AGBL4: variants seen among roughly 807,000 people sequenced by gnomAD.
AGBL4 encodes the protein cytosolic carboxypeptidase 6.
A neutral mutation model predicts 66.4 loss-of-function variants in AGBL4; 58 were observed. The observed-to-expected ratio is 0.87, with a 90% CI of 0.71 to 1.09. AGBL4 has a LOEUF of 1.09. Ranked by LOEUF, AGBL4 falls within the 50% of genes least tolerant of loss-of-function variation. AGBL4 has a pLI of 0.00. For missense variants in AGBL4, 579 were observed against 631.0 expected, an observed-to-expected ratio of 0.92 and a Z score of 0.88; for synonymous variants, 234 against 222.9, an observed-to-expected ratio of 1.05 and a Z score of -0.44.
intron 4 of AGBL4, among the ~76,000 whole-genome samples, chr1:49,055,142 A>G (rs1272422952): frequency 1.3e-5 from 2 of 152,052 alleles, no homozygotes; most frequent in Non-Finnish European, 2.9e-5. Context: ...TCTTTTGATG[A>G]AGCTCCTATT....
intron 6 of AGBL4, among the ~76,000 whole-genome samples, chr1:48,798,413 C>G (rs1225262610): frequency 6.6e-6 from 1 of 152,128 alleles, no homozygotes; most frequent in Non-Finnish European, 1.5e-5. Context: ...AAGATTTTCT[C>G]CCACTCTGTG....
At chr1:49,037,987 T>G (rs1252383293) in intron 5 of AGBL4, among the ~76,000 whole-genome samples, 1 of 152,114 alleles carries the variant, frequency 6.6e-6, no homozygotes, top group African/African-American at 2.4e-5. Flanking sequence ...ATCTTAAAAA[T>G]GCAAATGGGA....
intron 7 of AGBL4, among the ~76,000 whole-genome samples, chr1:48,656,046 T>G (rs895821657): frequency 1.6e-4 from 24 of 152,336 alleles, no homozygotes; most frequent in African/African-American, 5.8e-4. Flanking sequence ...CCTTGTTCCT[T>G]CTGTAAACAA....
At chr1:49,112,468 CTT>C (rs1398288558) in intron 4 of AGBL4, among the ~76,000 whole-genome samples, 1 of 152,192 alleles carries the variant, frequency 6.6e-6, no homozygotes, top group East Asian at 1.9e-4. Context: ...CAACAATAAA[CTT>C]TGCTGCATCA....
At chr1:49,433,089 T>C (rs1287073562) in intron 3 of AGBL4, among the ~76,000 whole-genome samples, 1 of 152,158 alleles carries the variant, frequency 6.6e-6, no homozygotes, top group Non-Finnish European at 1.5e-5. Flanking sequence ...TCATGGAAGC[T>C]CTGTGCCTTT....
At chr1:49,436,042 A>G (rs186664767) in intron 3 of AGBL4, among the ~76,000 whole-genome samples, 1 of 152,334 alleles carries the variant, frequency 6.6e-6, no homozygotes, top group African/African-American at 2.4e-5. Flanking sequence ...TCTGACCGAT[A>G]TGATTAGAGA....
intron 2 of AGBL4, among the ~76,000 whole-genome samples, chr1:49,834,368 G>A (rs369177571): frequency 7.9e-5 from 12 of 152,228 alleles, no homozygotes; most frequent in South Asian, 2.1e-4. Flanking sequence ...ATTTATTTGC[G>A]AAGAAGTGTT....
intron 1 of AGBL4, among the ~76,000 whole-genome samples, chr1:49,853,525 A>G (rs4421632): frequency 0.063 from 9,525 of 152,208 alleles, 416 homozygotes; most frequent in Non-Finnish European, 0.093. Context: ...TCTAAAATAT[A>G]TGTATAATTG....
At chr1:48,665,385 G>A (rs1394074120) in intron 6 of AGBL4, among the ~76,000 whole-genome samples, 1 of 152,216 alleles carries the variant, frequency 6.6e-6, no homozygotes, top group Non-Finnish European at 1.5e-5. Flanking sequence ...GCATGGAGTA[G>A]GTGCTCGAGG....
chr1:48,736,164 T>C lies in AGBL4; in HGVS notation c.635-72923A>G. ...GAAGCTTCATAAGTAATCGTTGAAT[T>C]GAATTGTGCCTAACACATTCTTGAC... On this transcript the variant is annotated intron_variant, in intron 6 of 13. Coordinates refer to ENST00000371839, the MANE Select transcript of AGBL4 (RefSeq NM_032785.4). This position sits in a 1 kb window ranked among gnomAD's most constrained non-coding sequence, Gnocchi z 4.0. The C allele has an allele frequency of 6.7e-7, 1 of 1,492,846 alleles. No individual in the cohort carries two copies. Among genetic ancestry groups the C allele is most frequent in the Non-Finnish European group, 9.3e-7 (1 of 1,074,156 alleles). The allele number at this position is 1,492,846 out of a possible 1,614,324, so 92.5% of individuals were successfully genotyped here.
chr1:49,829,498 A>G (rs1645599242), intron 2 of AGBL4, among the ~76,000 whole-genome samples: 1 of 152,200 alleles, frequency 6.6e-6, no homozygotes, highest in South Asian at 2.1e-4. Flanking sequence ...CCCTTCAAAG[A>G]ACAATCTTGC....
chr1:49,558,026 G>A (rs546268513), intron 3 of AGBL4, among the ~76,000 whole-genome samples: 1 of 151,974 alleles, frequency 6.6e-6, no homozygotes, highest in East Asian at 2.0e-4. Context: ...GACAGACCCT[G>A]GGCCCAAAGA....
rs770755809 is a variant in AGBL4 at position 49,245,847 on chromosome 1, A to G, written c.300T>C (p.Ile100=). ...VKESQRVIFN[I]VNFSKTKSLY... is the part of the protein sequence containing the mutation. ...GACTCTTGGTTTTACTGAAGTTAACAATGTTGAAAATGACCCTCTGAAAAA... is the reference window on the plus strand; with the variant it reads ...GACTCTTGGTTTTACTGAAGTTAACGATGTTGAAAATGACCCTCTGAAAAA... Residue 100 remains isoleucine, a synonymous_variant, in exon 4 of 14, where the codon ATT becomes ATC. Transcript: ENST00000371839. The G allele has an allele frequency of 2.2e-4, 333 of 1,548,772 alleles. No homozygotes were observed. Among genetic ancestry groups the G allele is most frequent in the Non-Finnish European group, 2.6e-4 (296 of 1,144,890 alleles).
At chr1:49,584,691 G>C (rs1054936358) in intron 3 of AGBL4, among the ~76,000 whole-genome samples, 1 of 152,138 alleles carries the variant, frequency 6.6e-6, no homozygotes, top group African/African-American at 2.4e-5. Context: ...ATGAAATCAG[G>C]TTCAAGACCT....
intron 11 of AGBL4, among the ~76,000 whole-genome samples, chr1:48,554,531 C>T (rs577009457): frequency 2.6e-5 from 4 of 152,270 alleles, no homozygotes; most frequent in African/African-American, 9.6e-5. Flanking sequence ...AGCAATGAAT[C>T]CCATGCCTAG....
chr1:48,866,850 C>A (rs1056143219), intron 6 of AGBL4, among the ~76,000 whole-genome samples: 2 of 152,124 alleles, frequency 1.3e-5, no homozygotes, highest in Non-Finnish European at 2.9e-5. Flanking sequence ...TTCTCCATTC[C>A]ACATGATTCT....
intron 3 of AGBL4, among the ~76,000 whole-genome samples, chr1:49,494,372 CCACT>C (rs1295503753): frequency 2.0e-5 from 3 of 151,834 alleles, no homozygotes; most frequent in Non-Finnish European, 4.4e-5. Context: ...TGCGCTGCAC[CCACT>C]AACTCGTCAT....
intron 3 of AGBL4, among the ~76,000 whole-genome samples, chr1:49,666,378 C>T (rs905752867): frequency 6.6e-6 from 1 of 152,050 alleles, no homozygotes; most frequent in African/African-American, 2.4e-5. Flanking sequence ...CCAGCCTGGC[C>T]AACATGGTGA....
intron 5 of AGBL4, among the ~76,000 whole-genome samples, chr1:48,968,341 C>A (rs1028211808): frequency 6.6e-6 from 1 of 152,064 alleles, no homozygotes; most frequent in African/African-American, 2.4e-5. Flanking sequence ...TGCTAAGCCA[C>A]TGAAGGATTA....
Sources: allele counts gnomAD v4.1 joint callset (sites outside exome capture counted in the v4.1 genomes callset), GRCh38; gene constraint gnomAD v4.1.1; non-coding constraint Gnocchi (gnomAD v3.1); transcripts MANE v1.5; gene names NCBI Gene and HGNC (gene_info 2026-07-23, HGNC 2026-07-21).